Variants in IL1RAPL1 observed in about 807,000 individuals in gnomAD.
IL1RAPL1 encodes the protein interleukin-1 receptor accessory protein-like 1.
In IL1RAPL1, 3 loss-of-function variants were observed where a neutral mutation model predicts 48.4. The ratio of observed to expected loss-of-function variants is 0.06; its 90% CI spans 0.03 to 0.16. IL1RAPL1 has a LOEUF of 0.16. Ranked by LOEUF, IL1RAPL1 falls within the 10% of genes least tolerant of loss-of-function variation. The pLI, the probability that IL1RAPL1 is intolerant of heterozygous loss-of-function variation, is 1.00. For missense variants in IL1RAPL1, 349 were observed against 530.6 expected (o/e 0.66, Z 3.36); for synonymous variants, 185 against 187.7 (o/e 0.99, Z 0.12).
intron 1 of IL1RAPL1, among the ~76,000 whole-genome samples, chrX:28,772,450 A>G (rs751924097): frequency 2.7e-5 from 3 of 111,700 alleles, no homozygotes; most frequent in Non-Finnish European, 5.6e-5. Flanking sequence ...CTGTTAAACT[A>G]GTGTCAAGCC....
At chrX:28,591,817 T>A (rs149873070) in intron 1 of IL1RAPL1, among the ~76,000 whole-genome samples, 2,035 of 111,303 alleles carry the variant, frequency 0.018, 42 homozygotes, top group African/African-American at 0.063. Context: ...ACACCACATT[T>A]GATTTCTCAG....
chrX:29,319,089 C>A (rs976238669), intron 3 of IL1RAPL1, among the ~76,000 whole-genome samples: 1 of 108,957 alleles, frequency 9.2e-6, no homozygotes, highest in Non-Finnish European at 1.9e-5. Flanking sequence ...TGTATATATT[C>A]CACATATAAT....
At chrX:28,843,350 G>A (rs985773306) in intron 2 of IL1RAPL1, among the ~76,000 whole-genome samples, 9 of 110,610 alleles carry the variant, frequency 8.1e-5, no homozygotes. Flanking sequence ...AAGAAAAAAT[G>A]TGTAAGATAA....
chrX:28,716,635 G>A (rs921842034), intron 1 of IL1RAPL1, among the ~76,000 whole-genome samples: 10 of 111,461 alleles, frequency 9.0e-5, no homozygotes, highest in Middle Eastern at 4.6e-3. Flanking sequence ...TCATGATGAC[G>A]ACACCAAAAG....
chrX:28,894,428 G>C (rs1922852708), intron 2 of IL1RAPL1, among the ~76,000 whole-genome samples: 1 of 111,068 alleles, frequency 9.0e-6, no homozygotes, highest in Admixed American at 9.6e-5. Context: ...GAAATGGGGT[G>C]AATGTCAGGT....
At chrX:29,115,231 G>C (rs1256785374) in intron 2 of IL1RAPL1, among the ~76,000 whole-genome samples, 5 of 111,688 alleles carry the variant, frequency 4.5e-5, no homozygotes, top group Non-Finnish European at 5.6e-5. Context: ...ACAGCTTTCT[G>C]CAACTGTTTC....
chrX:29,147,387 A>C (rs1417580125), intron 2 of IL1RAPL1, among the ~76,000 whole-genome samples: 2 of 111,840 alleles, frequency 1.8e-5, no homozygotes, highest in African/African-American at 6.5e-5. Flanking sequence ...GAGGGGGAGA[A>C]TGCTAACACA....
intron 3 of IL1RAPL1, among the ~76,000 whole-genome samples, chrX:29,380,225 G>A (rs910269437): frequency 1.8e-5 from 2 of 109,146 alleles, no homozygotes; most frequent in Admixed American, 9.9e-5. Context: ...GGTTTATTTT[G>A]TGTTTTTTTG....
At chrX:29,172,548 C>T (rs1359606857) in intron 2 of IL1RAPL1, among the ~76,000 whole-genome samples, 2 of 111,765 alleles carry the variant, frequency 1.8e-5, no homozygotes, top group African/African-American at 6.5e-5. Context: ...GTGACAAGAA[C>T]CACAAAAATC....
intron 3 of IL1RAPL1, among the ~76,000 whole-genome samples, chrX:29,392,641 T>C (rs1328732766): frequency 8.9e-6 from 1 of 112,179 alleles, no homozygotes; most frequent in East Asian, 2.8e-4. Flanking sequence ...CTCACAGAGC[T>C]GAAGGAGAAG....
At chrX:28,962,819 C>T (rs1924816333) in intron 2 of IL1RAPL1, among the ~76,000 whole-genome samples, 1 of 107,961 alleles carries the variant, frequency 9.3e-6, no homozygotes, top group Non-Finnish European at 1.9e-5. Flanking sequence ...ATTTGGTATC[C>T]GTGGGGGGGG....
intron 2 of IL1RAPL1, among the ~76,000 whole-genome samples, chrX:28,822,084 A>G (rs1936942798): frequency 9.0e-6 from 1 of 110,793 alleles, no homozygotes; most frequent in African/African-American, 3.3e-5. Flanking sequence ...ACTAAACTGT[A>G]CACAGGAAGG....
At chrX:29,329,707 G>C (rs1177060399) in intron 3 of IL1RAPL1, among the ~76,000 whole-genome samples, 1 of 109,397 alleles carries the variant, frequency 9.1e-6, no homozygotes, top group Non-Finnish European at 1.9e-5. Flanking sequence ...CAGATACTCG[G>C]GAGGCTGAGG....
chrX:28,835,702 G>A (rs1347285684), intron 2 of IL1RAPL1, among the ~76,000 whole-genome samples: 2 of 111,052 alleles, frequency 1.8e-5, no homozygotes, highest in Non-Finnish European at 3.8e-5. Context: ...ATTTTTGTAG[G>A]TTAAAAGGAA....
chrX:29,648,108 G>A (rs934550343), intron 5 of IL1RAPL1, among the ~76,000 whole-genome samples: 4 of 111,713 alleles, frequency 3.6e-5, no homozygotes, highest in Non-Finnish European at 1.9e-5. Flanking sequence ...AATGATTATA[G>A]ACATATATGT....
chrX:29,884,336 T>G (rs183689392), intron 6 of IL1RAPL1, among the ~76,000 whole-genome samples: 1 of 111,136 alleles, frequency 9.0e-6, no homozygotes, highest in South Asian at 3.9e-4. Context: ...TAATGTGCCA[T>G]CCTCATCTTA....
intron 6 of IL1RAPL1, among the ~76,000 whole-genome samples, chrX:29,836,411 G>A (rs893361584): frequency 8.1e-5 from 9 of 110,675 alleles, no homozygotes; most frequent in Admixed American, 5.7e-4. Flanking sequence ...GTATGGTCTC[G>A]ATCTCCTGAC....
At chrX:29,730,546 A>C (rs929336958) in intron 6 of IL1RAPL1, among the ~76,000 whole-genome samples, 7 of 112,349 alleles carry the variant, frequency 6.2e-5, no homozygotes, top group Non-Finnish European at 9.4e-5. Flanking sequence ...CATTAGCACA[A>C]GGTGAAGACA....
chrX:28,685,412 A>G (rs575421865), intron 1 of IL1RAPL1, among the ~76,000 whole-genome samples: 3 of 112,510 alleles, frequency 2.7e-5, no homozygotes, highest in African/African-American at 9.7e-5. Context: ...TTTCTCTGGG[A>G]TTTTATAGGT....
Sources: allele counts gnomAD v4.1 joint callset (sites outside exome capture counted in the v4.1 genomes callset), GRCh38; gene constraint gnomAD v4.1.1; transcripts MANE v1.5; gene names NCBI Gene and HGNC (gene_info 2026-07-23, HGNC 2026-07-21).